Variants in OGFOD1 observed in about 807,000 individuals in gnomAD.
The protein encoded by OGFOD1 is 2-oxoglutarate and iron dependent oxygenase domain containing 1.
In OGFOD1, 54 loss-of-function variants were observed where a neutral mutation model predicts 67.7. That is an observed-to-expected ratio of 0.80 (90% CI 0.64 to 1.00). The LOEUF (loss-of-function observed/expected upper bound fraction) is 1.00, where lower values mean the gene tolerates loss of function less well. Among genes scored for constraint, OGFOD1 ranks in the 50% least tolerant of loss-of-function variants. The pLI is 0.00. For synonymous variants in OGFOD1, 221 were observed against 227.0 expected (o/e 0.97, Z 0.24); for missense variants, 606 against 646.7 (o/e 0.94, Z 0.68).
At chr16:56,467,410 CT>C in intron 7 of OGFOD1, 117 bp downstream of exon 7, 1 of 1,090,800 alleles carries the variant, frequency 9.2e-7, no homozygotes, top group Non-Finnish European at 1.3e-6. Flanking sequence ...CCCCTTTCCA[CT>C]TTTCTTTTTT....
At chr16:56,471,992 T>A (rs1392447229) in intron 10 of OGFOD1, among the ~76,000 whole-genome samples, 1 of 152,114 alleles carries the variant, frequency 6.6e-6, no homozygotes, top group African/African-American at 2.4e-5. Flanking sequence ...GACACGGTCT[T>A]GCACTGTCAC....
At chr16:56,453,569 G>C (rs913664428) in intron 2 of OGFOD1, 161 bp downstream of exon 2, 11 of 628,398 alleles carry the variant, frequency 1.8e-5, no homozygotes, top group Non-Finnish European at 2.5e-5. Context: ...AGCTTACTGA[G>C]TGTTAACTAT....
chr16:56,470,991 A>T (rs1478898972), intron 10 of OGFOD1, among the ~76,000 whole-genome samples, 200 bp downstream of exon 10: 1 of 152,184 alleles, frequency 6.6e-6, no homozygotes, highest in African/African-American at 2.4e-5. Flanking sequence ...GTATACATGA[A>T]CAACAAGAAA....
chr16:56,476,136 C>T lies in OGFOD1; in HGVS notation c.1560C>T (p.Ser520=). The change falls in exon 13 of 13, where the codon AGC becomes AGT. Residue 520 remains serine (S), a synonymous_variant. Transcript: ENST00000566157. ...TTGTCAAGCATATTAACCACCGAAG[C>T]CTGGAACAAAAGAAAACCTTCCCAA... ...LKFVKHINHR[S]LEQKKTFPNR... is the part of the protein sequence containing the mutation. 6.2e-7 allele frequency: 1 copy of T among 1,613,804 alleles called. No individual in the cohort carries two copies.
At position 56,477,176 on chromosome 16, in the gene OGFOD1, T is replaced by C. The variant is rs1596996087; in HGVS notation, c.*971T>C. 6.6e-6 allele frequency: 1 copy of C among 152,330 alleles called. No individual in the cohort carries two copies. The highest frequency in any genetic ancestry group is 1.5e-5 in the Non-Finnish European group (1 of 68,040). 9.4% of individuals were successfully genotyped at this position (152,330 alleles called of 1,614,324 possible). The stretch of plus-strand genomic sequence containing the variant: ...AACATAAGTGATTGCAGAATTTTGT[T>C]CTTCTCATAATTTCTGGTTTAGAAA... On this transcript the variant is annotated 3_prime_UTR_variant, in exon 13 of 13. Transcript: ENST00000566157.
At chr16:56,469,953 GGGGTAATA>G (rs760476371) in intron 8 of OGFOD1, 42 bp from the exon 9 acceptor site, 1 of 1,518,706 alleles carries the variant, frequency 6.6e-7, no homozygotes, top group East Asian at 2.3e-5. Flanking sequence ...AAACCAGTGC[GGGGTAATA>G]GGGAGATCTG....
intron 3 of OGFOD1, among the ~76,000 whole-genome samples, chr16:56,459,943 G>A (rs376842140): frequency 2.0e-5 from 3 of 152,014 alleles, no homozygotes; most frequent in Non-Finnish European, 4.4e-5. Context: ...ATGAATAGAT[G>A]TTGCTTTGTA....
chr16:56,453,488 A>C, intron 2 of OGFOD1, 80 bp downstream of exon 2: 1 of 1,456,874 alleles, frequency 6.9e-7, no homozygotes, highest in East Asian at 2.3e-5. Context: ...TTTAGACTTG[A>C]GGTTTTAGGG....
intron 4 of OGFOD1, among the ~76,000 whole-genome samples, chr16:56,463,384 GTTTTTTTTTTTTTTTTT>G (rs56388148): frequency 1.6e-4 from 7 of 43,810 alleles, no homozygotes; most frequent in East Asian, 1.6e-3. Context: ...TCTTTTTTGG[GTTTTTTTTTTTTTTTTT>G]TTTTTTTTTT....
At position 56,470,854 on chromosome 16, in the gene OGFOD1, C is replaced by G. The variant is rs139485772; in HGVS notation, c.1285+63C>G. The G allele has an allele frequency of 9.6e-5, 137 of 1,430,324 alleles. No individual in the cohort carries two copies. In the Admixed American group the frequency reaches 2.7e-3, roughly 28 times the overall value. 88.6% of individuals were successfully genotyped at this position (1,430,324 alleles called of 1,614,324 possible). A position where few individuals can be genotyped will look rare whatever the true frequency, so the allele number is the denominator to read the frequency against. On this transcript the variant is annotated intron_variant, in intron 10 of 12. Transcript: ENST00000566157. ...ACCATTCACCATTCAAACATGTATT[C>G]ATTCAACAAACATTTATTGAGCATC...
chr16:56,459,213 G>T (rs1962631218), intron 3 of OGFOD1, among the ~76,000 whole-genome samples: 1 of 152,052 alleles, frequency 6.6e-6, no homozygotes. Flanking sequence ...GGTGGCACAT[G>T]CCTGTAATCC....
At position 56,467,243 on chromosome 16, in the gene OGFOD1, C is replaced by T; in HGVS notation, c.736C>T (p.Pro246Ser). The T allele has an allele frequency of 3.1e-6, 5 of 1,614,090 alleles. No individual in the cohort carries two copies. Among genetic ancestry groups the T allele is most frequent in the Non-Finnish European group, 4.2e-6 (5 of 1,180,026 alleles). The change falls in exon 7 of 13, where the codon CCC becomes TCC. Residue 246 changes from proline (P) to serine (S), a missense_variant. By Grantham distance (74) the Pro-to-Ser change is moderately conservative (BLOSUM62 -1). Transcript: ENST00000566157. ...TCATGGTCCATCATTGACTCGGCCT[C>T]CCAACTACTTTGAACCCCCCATACC... ...WFHGPSLTRP[P>S]NYFEPPIPRS...
chr16:56,462,410 G>A (rs1197470023), intron 3 of OGFOD1, 124 bp from the exon 4 acceptor site: 9 of 629,890 alleles, frequency 1.4e-5, no homozygotes, highest in East Asian at 5.6e-5. Context: ...AAATGAGATC[G>A]GAGAATGGAT....
At chr16:56,454,855 A>T in intron 2 of OGFOD1, 1 of 398,916 alleles carries the variant, frequency 2.5e-6, no homozygotes, top group Non-Finnish European at 4.9e-6. Context: ...TGAATTAACC[A>T]GGATAAATAC....
At chr16:56,462,761 T>TA (rs1475819282) in intron 4 of OGFOD1, 127 bp downstream of exon 4, 1 of 618,126 alleles carries the variant, frequency 1.6e-6, no homozygotes, top group Non-Finnish European at 2.9e-6. Context: ...ATCTTCCTGA[T>TA]AAAGACCCAG....
intron 10 of OGFOD1, among the ~76,000 whole-genome samples, chr16:56,474,609 C>G (rs1459641142): frequency 6.6e-6 from 1 of 152,032 alleles, no homozygotes; most frequent in Non-Finnish European, 1.5e-5. Context: ...CATGAGCCAC[C>G]ATGCCCGGCC....
intron 4 of OGFOD1, among the ~76,000 whole-genome samples, chr16:56,464,783 A>G (rs180889704): frequency 2.0e-4 from 31 of 152,144 alleles, no homozygotes; most frequent in Non-Finnish European, 2.8e-4. Context: ...TTCCATGCCA[A>G]CGTCCTAGAA....
At chr16:56,469,900 G>T in intron 8 of OGFOD1, 103 bp from the exon 9 acceptor site, 1 of 740,950 alleles carries the variant, frequency 1.3e-6, no homozygotes, top group South Asian at 1.7e-5. Flanking sequence ...GCACCTTTTA[G>T]GAATCAGCCA....
intron 10 of OGFOD1, among the ~76,000 whole-genome samples, chr16:56,473,304 C>T (rs770021717): frequency 1.3e-5 from 2 of 152,192 alleles, no homozygotes; most frequent in Non-Finnish European, 2.9e-5. Flanking sequence ...ATGTATGCCA[C>T]AATTAAGTTT....
Sources: gnomAD v4.1 joint callset for allele counts (sites outside exome capture counted in the v4.1 genomes callset) on GRCh38, gnomAD v4.1.1 for gene constraint, MANE v1.5 for transcripts, NCBI Gene and HGNC (gene_info 2026-07-23, HGNC 2026-07-21) for gene names.